Variants in ADGRG4 observed in about 807,000 individuals in gnomAD.
The protein encoded by ADGRG4 is adhesion G protein-coupled receptor G4.
Under a neutral mutation model 126.2 loss-of-function variants are expected in ADGRG4, and 122 were observed. The observed-to-expected ratio is 0.97, with a 90% CI of 0.83 to 1.12. The LOEUF is 1.12. Among genes scored for constraint, ADGRG4 ranks in the 50% most tolerant of loss-of-function variants. The pLI, the probability that ADGRG4 is intolerant of heterozygous loss-of-function variation, is 0.00. For synonymous variants in ADGRG4, 943 were observed against 838.7 expected (o/e 1.12, Z -2.15); for missense variants, 2,481 against 2,251.8 (o/e 1.10, Z -2.06).
Position 136,304,117 on chromosome X carries a change from T to C in ADGRG4, c.-253-16T>C, listed in dbSNP as rs1397276742. The C allele has an allele frequency of 9.0e-6, 1 of 111,523 alleles. No homozygotes were observed. The highest frequency in any genetic ancestry group is 3.3e-5 in the African/African-American group (1 of 30,690). 9.2% of individuals were successfully genotyped at this position (111,523 alleles called of 1,213,427 possible). On this transcript the variant is annotated splice_polypyrimidine_tract_variant and intron_variant, in intron 1 of 25. Transcript: ENST00000394143. ...TCTCAGACTGCAATTTCAGCCAATT[T>C]CCTACTTCTCTGTAGATATGGAGAG...
rs370669725 is a variant in ADGRG4 at position 136,373,002 on chromosome X, G to C, written c.7714G>C (p.Asp2572His). ...GCTGGCTTTGGCTGTGCTGCGGGGG[G>C]ACCACACGTTTGATGGCATGGCTTT... ...AGLALAVLRG[D>H]HTFDGMAFSI... is the part of the protein sequence containing the mutation. The change falls in exon 15 of 26, where the codon GAC becomes CAC. Residue 2572 changes from aspartate (D) to histidine (H), a missense_variant. Physicochemically the swap from Asp to His is moderately conservative, Grantham distance 81. Coordinates refer to ENST00000394143, the MANE Select transcript of ADGRG4 (RefSeq NM_153834.4). The C allele has an allele frequency of 2.5e-6, 3 of 1,208,969 alleles. No homozygotes were observed. In the African/African-American group the frequency reaches 5.3e-5, roughly 21 times the overall value.
rs2075194378 is a variant in ADGRG4, at chrX:136,371,538, G to A, written c.7607G>A (p.Ser2536Asn). ...NNSASDLHEI[S>N]NEILRIIERT... is the part of the protein sequence containing the mutation. The stretch of plus-strand genomic sequence containing the variant: ...TCCGCCTCTGATCTGCATGAAATAA[G>A]CAATGAGTAAGTACTAATACTTTGG... The change falls in exon 14 of 26, where the codon AGC becomes AAC. Residue 2536 changes from serine to asparagine, a missense_variant. Coordinates refer to ENST00000394143, the MANE Select transcript of ADGRG4 (RefSeq NM_153834.4). 2 of 1,140,236 alleles carry A rather than the reference G, an allele frequency of 1.8e-6. No individual in the cohort carries two copies. The highest frequency in any genetic ancestry group is 1.8e-5 in the African/African-American group (1 of 55,165). 94.0% of individuals were successfully genotyped at this position (1,140,236 alleles called of 1,213,427 possible). A position where few individuals can be genotyped will look rare whatever the true frequency, so the allele number is the denominator to read the frequency against.
chrX:136,330,386 CTT>C (rs113126296), intron 5 of ADGRG4, among the ~76,000 whole-genome samples: 24 of 101,680 alleles, frequency 2.4e-4, no homozygotes, highest in East Asian at 3.0e-4. Context: ...TTAGGATTAC[CTT>C]TTTTTTTTTT....
rs766645355 is a variant in ADGRG4, at chrX:136,395,451, A to G, written c.8142A>G (p.Thr2714=). 3.3e-6 allele frequency: 4 copies of G among 1,199,133 alleles called. No homozygotes were observed. In the Admixed American group the frequency reaches 8.7e-5, roughly 26 times the overall value. Residue 2714 remains threonine, a synonymous_variant, in exon 19 of 26, where the codon ACA becomes ACG. Coordinates refer to ENST00000394143, the MANE Select transcript of ADGRG4 (RefSeq NM_153834.4). ...TAAAGGAAACAAATGTAAATTACAC[A>G]ATCTGTCAGTGTGACCACCTCACCC... ...CKVKETNVNY[T]ICQCDHLTHF...
intron 17 of ADGRG4, among the ~76,000 whole-genome samples, chrX:136,393,092 C>T (rs1285229642): frequency 9.0e-6 from 1 of 111,605 alleles, no homozygotes; most frequent in African/African-American, 3.3e-5. Flanking sequence ...CTGGAGACTA[C>T]AGGAGCTGGT....
At position 136,349,773 on chromosome X, in the gene ADGRG4, G is replaced by T. The variant is rs1603295288; in HGVS notation, c.6067G>T (p.Val2023Leu). The change falls in exon 6 of 26, where the codon GTA becomes TTA. Residue 2023 changes from valine to leucine, a missense_variant. By Grantham distance (32) the Val-to-Leu change is conservative. Coordinates refer to ENST00000394143, the MANE Select transcript of ADGRG4 (RefSeq NM_153834.4). ...CCCTTCTGGCTCCCCTCCGGCAACTGTATCTAATGCCCCTCATGTTATGAC... is the reference window on the plus strand; with the variant it reads ...CCCTTCTGGCTCCCCTCCGGCAACTTTATCTAATGCCCCTCATGTTATGAC... Reference protein sequence around the residue: ...SLPSGSPPATVSNAPHVMTSS... With the variant: ...SLPSGSPPATLSNAPHVMTSS... 4 of 1,210,040 alleles carry T rather than the reference G, an allele frequency of 3.3e-6. No homozygotes were observed. Among genetic ancestry groups the T allele is most frequent in the Non-Finnish European group, 4.5e-6 (4 of 894,633 alleles).
intron 19 of ADGRG4, 122 bp downstream of exon 19, chrX:136,395,615 G>C (rs1421881680): frequency 5.1e-6 from 2 of 394,397 alleles, no homozygotes; most frequent in East Asian, 8.5e-5. Context: ...CTTCCAATTT[G>C]TTCATCCAAA....
intron 22 of ADGRG4, 100 bp downstream of exon 22, chrX:136,403,422 A>T (rs1230899285): frequency 1.6e-6 from 1 of 622,373 alleles, no homozygotes; most frequent in Non-Finnish European, 2.5e-6. Context: ...CCTTGGCTTC[A>T]GGAAGAAATC....
In ADGRG4 at chrX:136,384,562, A is replaced by G. The variant is rs2075283510; in HGVS notation, c.7777-3178A>G. The stretch of plus-strand genomic sequence containing the variant: ...GTTCTATTTGGTATCACTTCCCTTC[A>G]GCTTAAAAAAATTCACTTAGGATTT... On this transcript the variant is annotated intron_variant, in intron 15 of 25. Transcript: ENST00000394143. Among the ~76,000 whole-genome samples, 6 of 111,979 alleles carry G rather than the reference A, an allele frequency of 5.4e-5. No individual in the cohort carries two copies. The Admixed American group carries it at 5.7e-4, about 11-fold the overall frequency.
intron 5 of ADGRG4, among the ~76,000 whole-genome samples, chrX:136,337,734 T>G (rs1238151274): frequency 8.9e-6 from 1 of 112,592 alleles, no homozygotes; most frequent in Non-Finnish European, 1.9e-5. Context: ...AAATTTTTTG[T>G]CTTTTAGTTT....
At chrX:136,393,610 T>C (rs1264486953) in intron 18 of ADGRG4, 30 bp downstream of exon 18, 2 of 1,126,105 alleles carry the variant, frequency 1.8e-6, no homozygotes, top group Admixed American at 4.4e-5. Flanking sequence ...ACTTTGACTT[T>C]GCCCCAGACC....
intron 1 of ADGRG4, among the ~76,000 whole-genome samples, chrX:136,303,897 A>G (rs2148441138): frequency 9.0e-6 from 1 of 110,631 alleles, no homozygotes; most frequent in East Asian, 2.8e-4. Flanking sequence ...TTCTAGTGTT[A>G]GAAACAGGGA....
At chrX:136,310,715 G>C (rs960245376) in intron 4 of ADGRG4, among the ~76,000 whole-genome samples, 1 of 111,122 alleles carries the variant, frequency 9.0e-6, no homozygotes, top group African/African-American at 3.3e-5. Context: ...GAATATCAAG[G>C]GTTGAGAAGG....
Position 136,387,834 on chromosome X carries a change from C to A in ADGRG4, c.7871C>A (p.Thr2624Lys). The change falls in exon 16 of 26, where the codon ACG (threonine) becomes AAG (lysine). Residue 2624 changes from threonine (T) to lysine (K), a missense_variant. Coordinates refer to ENST00000394143, the MANE Select transcript of ADGRG4 (RefSeq NM_153834.4). ...AGAATTCCTCTTAGCAACTTACAAA[C>A]GATCTTGTTTAATTTCTTTGGCCAA... ...TERIPLSNLQTILFNFFGQTS... is the reference protein window; with the variant it reads ...TERIPLSNLQKILFNFFGQTS... The A allele has an allele frequency of 1.1e-5, 13 of 1,208,720 alleles. No individual in the cohort carries two copies. The highest frequency in any genetic ancestry group is 1.8e-5 in the South Asian group (1 of 56,693).
chrX:136,355,558 G>A (rs1473018719), intron 8 of ADGRG4, among the ~76,000 whole-genome samples: 2 of 110,864 alleles, frequency 1.8e-5, no homozygotes, highest in Non-Finnish European at 3.8e-5. Context: ...TAACATGGAC[G>A]GTAAAAATCT....
At chrX:136,394,929 C>T (rs1373847377) in intron 18 of ADGRG4, among the ~76,000 whole-genome samples, 1 of 111,792 alleles carries the variant, frequency 8.9e-6, no homozygotes, top group Admixed American at 9.5e-5. Flanking sequence ...CCCTGCAGAG[C>T]TCCAGACCAT....
intron 13 of ADGRG4, among the ~76,000 whole-genome samples, chrX:136,365,348 A>G (rs987717535): frequency 1.8e-5 from 2 of 111,387 alleles, no homozygotes; most frequent in African/African-American, 6.5e-5. Flanking sequence ...AATTTTGCCA[A>G]TTTGGGGCAT....
At position 136,349,780 on chromosome X, in the gene ADGRG4, A is replaced by G; in HGVS notation, c.6074A>G (p.Asn2025Ser). The G allele has an allele frequency of 8.3e-7, 1 of 1,209,994 alleles. No homozygotes were observed. The highest frequency in any genetic ancestry group is 2.3e-4 in the Middle Eastern group (1 of 4,347). ...GGCTCCCCTCCGGCAACTGTATCTA[A>G]TGCCCCTCATGTTATGACTTCCTCT... is the stretch of plus-strand genomic sequence containing the variant. ...PSGSPPATVS[N>S]APHVMTSSTV... The change falls in exon 6 of 26, where the codon AAT becomes AGT. Residue 2025 changes from asparagine to serine, a missense_variant. Transcript: ENST00000394143.
chrX:136,349,271 T>A lies in ADGRG4; in HGVS notation c.5565T>A (p.Pro1855=), dbSNP rs2148468812. 8.3e-7 allele frequency: 1 copy of A among 1,202,336 alleles called. No homozygotes were observed. Among genetic ancestry groups the A allele is most frequent in the East Asian group, 3.0e-5 (1 of 33,761 alleles). Reference sequence around the variant, plus strand: ...TCTCTACTCCAAAGACCTCTCCTCCTCCCACATCCCAAATGGTTGAATTTC... The same window carrying A: ...TCTCTACTCCAAAGACCTCTCCTCCACCCACATCCCAAATGGTTGAATTTC... ...AEISTPKTSP[P]PTSQMVEFPV... The change falls in exon 6 of 26, where the codon CCT becomes CCA. Residue 1855 remains proline (P), a synonymous_variant. Transcript: ENST00000394143.
Sources: gnomAD v4.1 joint callset for allele counts (sites outside exome capture counted in the v4.1 genomes callset) on GRCh38, gnomAD v4.1.1 for gene constraint, MANE v1.5 for transcripts, NCBI Gene and HGNC (gene_info 2026-07-23, HGNC 2026-07-21) for gene names.